The following ABL2 variants were observed in gnomAD, a reference collection of about 807,000 sequenced individuals.
ABL2 encodes the protein ABL proto-oncogene 2, non-receptor tyrosine kinase, also known as tyrosine-protein kinase ABL2.
Under a neutral mutation model 107.7 loss-of-function variants are expected in ABL2, and 49 were observed. That is an observed-to-expected ratio of 0.45 (90% CI 0.36 to 0.58). ABL2 has a LOEUF of 0.58. ABL2 is among the 20% of genes least tolerant of loss of function. The pLI is 0.00. For synonymous variants in ABL2, 549 were observed against 548.6 expected (o/e 1.00, Z -0.01); for missense variants, 1,245 against 1,457.0 (o/e 0.85, Z 2.37).
chr1:179,229,640 G>GCCGCCGCCGCCA lies in ABL2; in HGVS notation c.-244_-243insTGGCGGCGGCGG, dbSNP rs1553236268. On this transcript the variant is annotated 5_prime_UTR_variant, in exon 1 of 12. Coordinates refer to ENST00000502732, the MANE Select transcript of ABL2 (RefSeq NM_007314.4). The stretch of plus-strand genomic sequence containing the variant: ...GCGGCTCCGCGCCCCCAACGCCGCC[G>GCCGCCGCCGCCA]CCGCCGCCGCCGCCACCGCCGCCGC... The GCCGCCGCCGCCA allele has an allele frequency of 1.4e-3, 702 of 497,014 alleles. 4 individuals are homozygous for GCCGCCGCCGCCA. The highest frequency in any genetic ancestry group is 0.013 in the African/African-American group (613 of 48,044). The allele number at this position is 497,014 out of a possible 1,614,324, so 30.8% of individuals were successfully genotyped here. A position where few individuals can be genotyped will look rare whatever the true frequency, so the allele number is the denominator to read the frequency against.
Position 179,100,143 on chromosome 1 carries a change from T to G in ABL2, c.*7575A>C, listed in dbSNP as rs763249815. ...TTCCTTTCTAGTTTCTGAATACTGA[T>G]TGACAATTGGCCTAATCATGGTGAT... On this transcript the variant is annotated 3_prime_UTR_variant, in exon 12 of 12. Coordinates refer to ENST00000502732, the MANE Select transcript of ABL2 (RefSeq NM_007314.4). 2.2e-5 allele frequency: 5 copies of G among 230,888 alleles called. No individual in the cohort carries two copies. The highest frequency in any genetic ancestry group is 4.3e-5 in the Non-Finnish European group (5 of 116,636). The allele number at this position is 230,888 out of a possible 1,614,324, so 14.3% of individuals were successfully genotyped here.
At chr1:179,159,256 T>C (rs762720571) in intron 1 of ABL2, among the ~76,000 whole-genome samples, 14 of 152,214 alleles carry the variant, frequency 9.2e-5, no homozygotes, top group East Asian at 1.9e-4. Context: ...TTAGAACCTG[T>C]AGTCTAAGGT....
chr1:179,126,400 T>G lies in ABL2; in HGVS notation c.664A>C (p.Ile222Leu). 6.2e-7 allele frequency: 1 copy of G among 1,614,188 alleles called. No homozygotes were observed. Among genetic ancestry groups the G allele is most frequent in the African/African-American group, 1.3e-5 (1 of 75,054 alleles). Residue 222 changes from isoleucine to leucine, a missense_variant, in exon 4 of 12, where the codon ATC (isoleucine) becomes CTC (leucine). Around this residue, in one of 3 missense-constraint regions of ABL2, gnomAD observed 320 missense variants for 547.0 expected, o/e 0.59. Transcript: ENST00000502732. The surrounding 1 kb of genome is among the most constrained non-coding windows in gnomAD (Gnocchi z 4.4). ...ACCTTGCCATCTGCAGTGGTATTGA[T>G]CCTGTAGTGATACACACGTCCCTCG... is the stretch of plus-strand genomic sequence containing the variant. ...RYEGRVYHYR[I>L]NTTADGKVYV...
chr1:179,173,552 A>G (rs1446102094), intron 1 of ABL2, among the ~76,000 whole-genome samples: 1 of 151,872 alleles, frequency 6.6e-6, no homozygotes, highest in Non-Finnish European at 1.5e-5. Context: ...GGGTTTCACC[A>G]TGTTGGCCAG....
At position 179,171,183 on chromosome 1, in the gene ABL2, T is replaced by C. The variant is rs564844945; in HGVS notation, c.158-37809A>G. The stretch of plus-strand genomic sequence containing the variant: ...GAGGCTGCAGTTCTGATATGACTGG[T>C]GATTGCCTTTATAACTATTGGCCGT... On this transcript the variant is annotated intron_variant, in intron 1 of 11. Transcript: ENST00000502732. Among the ~76,000 whole-genome samples the C allele has an allele frequency of 2.0e-5, 3 of 152,358 alleles. No individual in the cohort carries two copies. In the South Asian group the frequency reaches 6.2e-4, roughly 32 times the overall value.
intron 1 of ABL2, among the ~76,000 whole-genome samples, chr1:179,211,691 G>A (rs1197367009): frequency 1.3e-5 from 2 of 151,738 alleles, no homozygotes; most frequent in Admixed American, 6.6e-5. Context: ...GAGGTCAGGA[G>A]TTCGAGACCA....
chr1:179,132,525 GATT>G (rs28914514), intron 2 of ABL2, among the ~76,000 whole-genome samples: 2,252 of 151,400 alleles, frequency 0.015, 68 homozygotes, highest in African/African-American at 0.051. Context: ...TGATTATTAT[GATT>G]ATTATTATTA....
chr1:179,124,891 C>A (rs1301289347), intron 4 of ABL2, among the ~76,000 whole-genome samples: 1 of 152,166 alleles, frequency 6.6e-6, no homozygotes, highest in Non-Finnish European at 1.5e-5. Flanking sequence ...TTAAGGTATA[C>A]CATTTCATGG....
chr1:179,201,778 A>T, intron 1 of ABL2: 1 of 891,940 alleles, frequency 1.1e-6, no homozygotes, highest in Non-Finnish European at 1.7e-6. Context: ...AATTATATCC[A>T]CAGAATCGGT....
chr1:179,129,575 A>C (rs754423037), intron 3 of ABL2, among the ~76,000 whole-genome samples: 5 of 151,732 alleles, frequency 3.3e-5, no homozygotes, highest in African/African-American at 4.8e-5. Context: ...CCAGCTACTC[A>C]GGAGGCTGAG....
intron 1 of ABL2, among the ~76,000 whole-genome samples, chr1:179,174,920 AAATAAT>A (rs374695562): frequency 8.1e-6 from 1 of 122,874 alleles, no homozygotes; most frequent in Non-Finnish European, 1.7e-5. Context: ...AAAATAAAAA[AAATAAT>A]AATAATAATA....
At chr1:179,152,239 C>A (rs1658406635) in intron 1 of ABL2, among the ~76,000 whole-genome samples, 1 of 152,170 alleles carries the variant, frequency 6.6e-6, no homozygotes, top group African/African-American at 2.4e-5. Context: ...TTGTCCCTAA[C>A]TTGGAGTCTT....
chr1:179,136,893 G>A lies in ABL2; in HGVS notation c.158-3519C>T, dbSNP rs368633898. Among the ~76,000 whole-genome samples the A allele has an allele frequency of 2.9e-5, 4 of 139,488 alleles. No individual in the cohort carries two copies. In the East Asian group the frequency reaches 6.4e-4, roughly 22 times the overall value. The allele number at this position is 139,488 out of a possible 152,430, so 91.5% of individuals were successfully genotyped here. On this transcript the variant is annotated intron_variant, in intron 1 of 11. Transcript: ENST00000502732. Reference sequence around the variant, plus strand: ...ATCGCCGCTGTGCTCCAGCCTGGGTGACAACAGAGTGAGACCCTGTCTCAA... The same window carrying A: ...ATCGCCGCTGTGCTCCAGCCTGGGTAACAACAGAGTGAGACCCTGTCTCAA...
At chr1:179,110,632 G>A in intron 10 of ABL2, 177 bp from the exon 11 acceptor site, 1 of 1,528,436 alleles carries the variant, frequency 6.5e-7, no homozygotes, top group Non-Finnish European at 8.8e-7. Flanking sequence ...TATCATGTGT[G>A]TAGATTCGTC....
At chr1:179,225,998 C>G (rs1252443755) in intron 1 of ABL2, among the ~76,000 whole-genome samples, 20 of 133,784 alleles carry the variant, frequency 1.5e-4, no homozygotes, top group Admixed American at 4.4e-4. Context: ...GAGCCGAGAT[C>G]GCGCCACTGC....
At chr1:179,138,860 C>T (rs1031484364) in intron 1 of ABL2, among the ~76,000 whole-genome samples, 3 of 152,332 alleles carry the variant, frequency 2.0e-5, no homozygotes, top group Non-Finnish European at 2.9e-5. Flanking sequence ...CAGCAGGAAC[C>T]GGGGCTGCCT....
At chr1:179,124,378 C>CTTATGTTATATAA (rs1460299703) in intron 4 of ABL2, among the ~76,000 whole-genome samples, 5 of 151,732 alleles carry the variant, frequency 3.3e-5, no homozygotes, top group Non-Finnish European at 7.4e-5. Context: ...GATCAGCACC[C>CTTATGTTATATAA]CAGAAGCCTC....
At chr1:179,197,590 C>T (rs934150139) in intron 1 of ABL2, among the ~76,000 whole-genome samples, 5 of 151,140 alleles carry the variant, frequency 3.3e-5, no homozygotes, top group Non-Finnish European at 7.4e-5. Flanking sequence ...AAAAAAAGGC[C>T]GGGTGAGGTG....
chr1:179,157,726 A>G (rs1658794687), intron 1 of ABL2, among the ~76,000 whole-genome samples: 2 of 147,616 alleles, frequency 1.4e-5, no homozygotes, highest in Admixed American at 6.9e-5. Flanking sequence ...TTTTTTTGAG[A>G]CAGAGTCTCG....
Sources: allele counts gnomAD v4.1 joint callset (sites outside exome capture counted in the v4.1 genomes callset), GRCh38; gene constraint gnomAD v4.1.1; regional missense constraint gnomAD v4.1.1; non-coding constraint Gnocchi (gnomAD v3.1); transcripts MANE v1.5; gene names NCBI Gene and HGNC (gene_info 2026-07-23, HGNC 2026-07-21).